TERB1: variants seen among roughly 807,000 people sequenced by gnomAD.
The protein encoded by TERB1 is telomere repeats-binding bouquet formation protein 1.
TERB1 carries 63 observed loss-of-function variants against 92.3 expected under a neutral mutation model. The observed-to-expected ratio is 0.68, with a 90% CI of 0.56 to 0.84. The LOEUF (loss-of-function observed/expected upper bound fraction) is 0.84, where lower values mean the gene tolerates loss of function less well. Ranked by LOEUF, TERB1 falls within the 40% of genes least tolerant of loss-of-function variation. The probability of loss-of-function intolerance (pLI) is 0.00; values close to 1 mark genes in which losing one functional copy is unlikely to be tolerated. For synonymous variants in TERB1, 252 were observed against 283.9 expected (o/e 0.89, Z 1.13); for missense variants, 709 against 843.7 (o/e 0.84, Z 1.98).
intron 14 of TERB1, 112 bp from the exon 15 acceptor site, chr16:66,768,280 C>G: frequency 1.3e-6 from 1 of 769,054 alleles, no homozygotes; most frequent in Non-Finnish European, 2.1e-6. Context: ...CAAAAGCAAC[C>G]TGGAATCACG....
intron 7 of TERB1, 36 bp from the exon 8 acceptor site, chr16:66,786,165 C>T: frequency 6.5e-7 from 1 of 1,531,732 alleles, no homozygotes; most frequent in Non-Finnish European, 8.8e-7. Context: ...TAAATTAATA[C>T]AAATGTGTTA....
intron 9 of TERB1, among the ~76,000 whole-genome samples, chr16:66,783,094 T>C (rs1043509280): frequency 2.6e-5 from 4 of 152,196 alleles, no homozygotes; most frequent in Non-Finnish European, 2.9e-5. Flanking sequence ...ATTCAAGTGG[T>C]CCTCCTGCCT....
At chr16:66,779,976 G>A (rs2145175642) in intron 9 of TERB1, among the ~76,000 whole-genome samples, 1 of 152,232 alleles carries the variant, frequency 6.6e-6, no homozygotes, top group African/African-American at 2.4e-5. Context: ...TCTGGGCCGG[G>A]CACCATGGCT....
At chr16:66,774,047 T>G (rs2018498642) in intron 12 of TERB1, among the ~76,000 whole-genome samples, 1 of 146,430 alleles carries the variant, frequency 6.8e-6, no homozygotes, top group South Asian at 2.2e-4. Context: ...GCCTGGCTAA[T>G]TTTTTTTGTA....
chr16:66,796,401 T>G (rs943189588), intron 3 of TERB1, among the ~76,000 whole-genome samples: 1 of 152,220 alleles, frequency 6.6e-6, no homozygotes, highest in Non-Finnish European at 1.5e-5. Flanking sequence ...TGGTGTATAT[T>G]ATTGAACACT....
At chr16:66,768,028 A>C in intron 15 of TERB1, 76 bp downstream of exon 15, 1 of 1,172,040 alleles carries the variant, frequency 8.5e-7, no homozygotes, top group South Asian at 1.3e-5. Context: ...GCACCCAGTC[A>C]ATGTGCATTT....
chr16:66,762,636 A>C lies in TERB1; in HGVS notation c.1781-3346T>G, dbSNP rs2018271752. 5.3e-5 allele frequency among the ~76,000 whole-genome samples: 8 copies of C among 150,460 alleles called. No homozygotes were observed. The Admixed American group carries it at 5.3e-4, about 10-fold the overall frequency. ...TGGGCTTAAGTAATCCTCTCCCCTC[A>C]GCCTCCCAAAGTGCTGGGATTACAG... On this transcript the variant is annotated intron_variant, in intron 16 of 18. Coordinates refer to ENST00000433154, the MANE Select transcript of TERB1 (RefSeq NM_001136505.2).
intron 13 of TERB1, among the ~76,000 whole-genome samples, chr16:66,771,994 G>A (rs2018460509): frequency 6.6e-6 from 1 of 152,028 alleles, no homozygotes; most frequent in South Asian, 2.1e-4. Flanking sequence ...TCAGATGTTA[G>A]ATCTCTTGGC....
Position 66,788,278 on chromosome 16 carries a change from C to T in TERB1, c.291G>A (p.Leu97=). 1 of 1,495,434 alleles carries T rather than the reference C, an allele frequency of 6.7e-7. No homozygotes were observed. Among genetic ancestry groups the T allele is most frequent in the Non-Finnish European group, 8.9e-7 (1 of 1,127,170 alleles). The allele number at this position is 1,495,434 out of a possible 1,614,324, so 92.6% of individuals were successfully genotyped here. ...AGTCTTCAAACAACTCTGAAGTACACAAAGTCTGCTGACAGTAAACTGAAA... is the reference window on the plus strand; with the variant it reads ...AGTCTTCAAACAACTCTGAAGTACATAAAGTCTGCTGACAGTAAACTGAAA... ...AEKNVYCQQT[L]CTSELFEDLT... is the part of the protein sequence containing the mutation. Residue 97 remains leucine (L), a synonymous_variant, in exon 6 of 19, where the codon TTG becomes TTA. Transcript: ENST00000433154.
At chr16:66,779,184 T>C (rs1404201580) in intron 9 of TERB1, among the ~76,000 whole-genome samples, 169 bp from the exon 10 acceptor site, 1 of 152,222 alleles carries the variant, frequency 6.6e-6, no homozygotes, top group Non-Finnish European at 1.5e-5. Context: ...AATCATAAAA[T>C]AGATTACTTA....
chr16:66,767,549 G>T, intron 15 of TERB1, 39 bp from the exon 16 acceptor site: 1 of 880,144 alleles, frequency 1.1e-6, no homozygotes, highest in Non-Finnish European at 1.8e-6. Flanking sequence ...TTGGATTAAT[G>T]AAAAGAATCA....
chr16:66,767,729 G>A (rs2145105975), intron 15 of TERB1, among the ~76,000 whole-genome samples: 1 of 151,570 alleles, frequency 6.6e-6, no homozygotes, highest in South Asian at 2.1e-4. Flanking sequence ...ATATAGCAAT[G>A]GACTTTTTTT....
intron 12 of TERB1, among the ~76,000 whole-genome samples, chr16:66,774,769 G>C (rs759546103): frequency 2.0e-5 from 3 of 149,916 alleles, no homozygotes; most frequent in African/African-American, 7.4e-5. Flanking sequence ...CTGCAGCCTC[G>C]ACCTGAGCAA....
chr16:66,788,220 T>A lies in TERB1; in HGVS notation c.349A>T (p.Asn117Tyr). The change falls in exon 6 of 19, where the codon AAT becomes TAT. Residue 117 changes from asparagine (N) to tyrosine (Y), a missense_variant. Transcript: ENST00000433154. ...ACATAAACAGACATTCTTTTCAAAT[T>A]TATGTTTGAATCATTAGATAAGAAC... ...TWFLSNDSNINLKRMSVYVIL... is the reference protein window; with the variant it reads ...TWFLSNDSNIYLKRMSVYVIL... 1 of 1,512,410 alleles carries A rather than the reference T, an allele frequency of 6.6e-7. No individual in the cohort carries two copies. Among genetic ancestry groups the A allele is most frequent in the Non-Finnish European group, 8.9e-7 (1 of 1,128,084 alleles). The allele number at this position is 1,512,410 out of a possible 1,614,324, so 93.7% of individuals were successfully genotyped here.
intron 13 of TERB1, among the ~76,000 whole-genome samples, chr16:66,771,339 G>A (rs1008724102): frequency 6.6e-6 from 1 of 152,216 alleles, no homozygotes; most frequent in African/African-American, 2.4e-5. Context: ...GCTAGTGGGA[G>A]TGTAAGTTGA....
intron 16 of TERB1, among the ~76,000 whole-genome samples, chr16:66,765,660 G>C (rs2018327924): frequency 6.6e-6 from 1 of 151,278 alleles, no homozygotes; most frequent in South Asian, 2.1e-4. Flanking sequence ...GTTTCACCGT[G>C]TTGACCAGGC....
rs573395702 is a variant in TERB1, at chr16:66,794,842, C to T, written c.31+1926G>A. On this transcript the variant is annotated intron_variant, in intron 3 of 18. Coordinates refer to ENST00000433154, the MANE Select transcript of TERB1 (RefSeq NM_001136505.2). ...GGAGAATGGCGTGAACCTGGGAGGC[C>T]GAGCTTGCAGTGAGCCAAGATCCGG... Among the ~76,000 whole-genome samples, 23 of 150,994 alleles carry T rather than the reference C, an allele frequency of 1.5e-4. No homozygotes were observed. The South Asian group carries it at 2.5e-3, about 16-fold the overall frequency.
rs57620654 is a variant in TERB1, at chr16:66,771,638, TACAC to T, written c.1272+947_1272+950del. On this transcript the variant is annotated intron_variant, in intron 13 of 18. Transcript: ENST00000433154. The stretch of plus-strand genomic sequence containing the variant: ...ATATCTCATTAAAGCTGTTACAGAA[TACAC>T]ACACACACACACACACACACACACA... 5.0e-3 allele frequency among the ~76,000 whole-genome samples: 720 copies of T among 143,042 alleles called. 7 individuals carry two copies. In the East Asian group the frequency reaches 0.051, roughly 10 times the overall value. The allele number at this position is 143,042 out of a possible 152,430, so 93.8% of individuals were successfully genotyped here.
intron 9 of TERB1, among the ~76,000 whole-genome samples, chr16:66,783,314 C>T (rs952200301): frequency 6.6e-6 from 1 of 152,208 alleles, no homozygotes; most frequent in African/African-American, 2.4e-5. Context: ...ATGTCAAATG[C>T]TTTTCCTGCA....
Sources: allele counts gnomAD v4.1 joint callset (sites outside exome capture counted in the v4.1 genomes callset), GRCh38; gene constraint gnomAD v4.1.1; transcripts MANE v1.5; gene names NCBI Gene and HGNC (gene_info 2026-07-23, HGNC 2026-07-21).